Variants in CTNNA3 observed in about 807,000 individuals in gnomAD.
CTNNA3 encodes catenin alpha 3, also known as catenin alpha-3.
A neutral mutation model predicts 95.7 loss-of-function variants in CTNNA3; 76 were observed. That is an observed-to-expected ratio of 0.79 (90% CI 0.66 to 0.96). The LOEUF (loss-of-function observed/expected upper bound fraction) is 0.96, where lower values mean the gene tolerates loss of function less well. Among genes scored for constraint, CTNNA3 ranks in the 40% least tolerant of loss-of-function variants. The pLI, the probability that CTNNA3 is intolerant of heterozygous loss-of-function variation, is 0.00. For missense variants in CTNNA3, 1,191 were observed against 1,089.8 expected, an observed-to-expected ratio of 1.09 and a Z score of -1.31; for synonymous variants, 431 against 374.4, an observed-to-expected ratio of 1.15 and a Z score of -1.74.
At chr10:66,389,444 CAT>C in intron 11 of CTNNA3, among the ~76,000 whole-genome samples, 1 of 152,008 alleles carries the variant, frequency 6.6e-6, no homozygotes, top group Non-Finnish European at 1.5e-5. Context: ...GAAATGCATT[CAT>C]TTAAGAGCAG....
intron 14 of CTNNA3, among the ~76,000 whole-genome samples, chr10:66,070,544 ATT>A (rs1435315246): frequency 6.6e-6 from 1 of 152,144 alleles, no homozygotes; most frequent in Non-Finnish European, 1.5e-5. Context: ...CTGTGATTCT[ATT>A]TATTAGAATA....
chr10:65,988,574 T>A, intron 16 of CTNNA3, 118 bp downstream of exon 16: 2 of 685,458 alleles, frequency 2.9e-6, no homozygotes, highest in East Asian at 2.7e-5. Context: ...AGAAATTCAA[T>A]TATAATTTAG....
chr10:66,005,839 A>G (rs2078868305), intron 15 of CTNNA3, among the ~76,000 whole-genome samples: 1 of 152,050 alleles, frequency 6.6e-6, no homozygotes, highest in African/African-American at 2.4e-5. Flanking sequence ...TGTTTTCATA[A>G]GACATTCAAA....
chr10:66,552,220 T>C (rs1227901742), intron 10 of CTNNA3, among the ~76,000 whole-genome samples: 2 of 152,276 alleles, frequency 1.3e-5, no homozygotes, highest in Non-Finnish European at 1.5e-5. Context: ...GGGAATCTTC[T>C]TATCAGACTT....
At chr10:66,171,355 A>T (rs1220309497) in intron 13 of CTNNA3, among the ~76,000 whole-genome samples, 1 of 151,676 alleles carries the variant, frequency 6.6e-6, no homozygotes, top group African/African-American at 2.4e-5. Flanking sequence ...TGGGTGGATC[A>T]CCAGAGATGG....
intron 7 of CTNNA3, among the ~76,000 whole-genome samples, chr10:66,983,870 T>C (rs148495287): frequency 6.6e-6 from 1 of 152,360 alleles, no homozygotes; most frequent in Non-Finnish European, 1.5e-5. Context: ...TAATAGCTAA[T>C]GTTTTAGCAC....
At chr10:67,186,589 A>C (rs1862860399) in intron 6 of CTNNA3, among the ~76,000 whole-genome samples, 1 of 152,210 alleles carries the variant, frequency 6.6e-6, no homozygotes, top group Non-Finnish European at 1.5e-5. Context: ...TTTTTAAAGT[A>C]AATCAAATGT....
At chr10:67,588,814 T>G (rs905747919) in intron 3 of CTNNA3, among the ~76,000 whole-genome samples, 20 of 152,042 alleles carry the variant, frequency 1.3e-4, no homozygotes, top group Non-Finnish European at 2.8e-4. Flanking sequence ...TAACACATTT[T>G]TAGATATCTA....
At chr10:67,227,094 CTT>C (rs1318466806) in intron 5 of CTNNA3, among the ~76,000 whole-genome samples, 6 of 118,484 alleles carry the variant, frequency 5.1e-5, no homozygotes, top group Admixed American at 8.4e-5. Context: ...CTTTTTTTTT[CTT>C]TTTTTTTTTT....
chr10:67,602,734 G>C (rs1843125961), intron 3 of CTNNA3, among the ~76,000 whole-genome samples: 1 of 152,116 alleles, frequency 6.6e-6, no homozygotes, highest in Admixed American at 6.5e-5. Flanking sequence ...GAGAATGACT[G>C]ATGACGTACA....
At chr10:66,119,764 G>A (rs2082496076) in intron 13 of CTNNA3, among the ~76,000 whole-genome samples, 1 of 151,890 alleles carries the variant, frequency 6.6e-6, no homozygotes, top group Non-Finnish European at 1.5e-5. Context: ...TATTAAATAA[G>A]CACTCATTAA....
chr10:66,641,446 A>C (rs1239330992), intron 9 of CTNNA3, among the ~76,000 whole-genome samples: 1 of 152,142 alleles, frequency 6.6e-6, no homozygotes, highest in Non-Finnish European at 1.5e-5. Context: ...GACTGCTCCT[A>C]ACCCACAGAA....
intron 7 of CTNNA3, among the ~76,000 whole-genome samples, chr10:67,152,245 A>C (rs1055940803): frequency 6.6e-6 from 1 of 152,178 alleles, no homozygotes; most frequent in Admixed American, 6.5e-5. Context: ...ACTCACTGAA[A>C]GATCAGGTCT....
At chr10:66,616,560 T>C (rs1179857499) in intron 10 of CTNNA3, among the ~76,000 whole-genome samples, 2 of 152,048 alleles carry the variant, frequency 1.3e-5, no homozygotes, top group Admixed American at 1.3e-4. Flanking sequence ...ATTTCAAATA[T>C]CTCTGCTAAA....
intron 5 of CTNNA3, among the ~76,000 whole-genome samples, chr10:67,344,253 G>A (rs1842331692): frequency 6.6e-6 from 1 of 151,686 alleles, no homozygotes; most frequent in African/African-American, 2.4e-5. Context: ...ATTTTGTTGA[G>A]GATTTTTGCA....
chr10:66,897,599 T>C (rs577260615), intron 7 of CTNNA3, among the ~76,000 whole-genome samples: 26 of 152,180 alleles, frequency 1.7e-4, no homozygotes, highest in Admixed American at 5.9e-4. Context: ...CTAAGGACAA[T>C]GAAAAATGCA....
At chr10:65,949,814 A>G (rs1466539023) in intron 17 of CTNNA3, among the ~76,000 whole-genome samples, 2 of 152,128 alleles carry the variant, frequency 1.3e-5, no homozygotes, top group Non-Finnish European at 2.9e-5. Flanking sequence ...CTTGGCTGAC[A>G]ACATTATCCA....
chr10:66,772,766 A>G (rs1840146415), intron 8 of CTNNA3, among the ~76,000 whole-genome samples: 1 of 152,198 alleles, frequency 6.6e-6, no homozygotes, highest in Admixed American at 6.5e-5. Context: ...AAGAAATCCA[A>G]TCACCCTCTG....
intron 10 of CTNNA3, among the ~76,000 whole-genome samples, chr10:66,533,762 G>T (rs1589386409): frequency 6.6e-6 from 1 of 152,038 alleles, no homozygotes; most frequent in Non-Finnish European, 1.5e-5. Context: ...TATACCAGTA[G>T]CTATGGTGAT....
Sources: gnomAD v4.1 joint callset for allele counts (sites outside exome capture counted in the v4.1 genomes callset) on GRCh38, gnomAD v4.1.1 for gene constraint, MANE v1.5 for transcripts, NCBI Gene and HGNC (gene_info 2026-07-23, HGNC 2026-07-21) for gene names.